Variants in REDIC1 observed in about 807,000 individuals in gnomAD.
REDIC1 encodes the protein regulator of DNA class I crossover intermediates 1.
the REDIC1 span, among the ~76,000 whole-genome samples, chr12:39,712,073 C>G: frequency 1.5e-4 from 7 of 46,946 alleles, no homozygotes; most frequent in African/African-American, 4.4e-4. Flanking sequence ...TGTATATATA[C>G]CGGTATGTAT....
chr12:39,635,194 G>A, the REDIC1 span, among the ~76,000 whole-genome samples: 1 of 152,176 alleles, frequency 6.6e-6, no homozygotes, highest in Admixed American at 6.6e-5. Context: ...CACTGTTGGT[G>A]GGAGTGTAAA....
At chr12:39,843,069 T>C in the REDIC1 span, among the ~76,000 whole-genome samples, 1 of 152,068 alleles carries the variant, frequency 6.6e-6, no homozygotes. Context: ...AAAAAACTGT[T>C]GCTATGAACA....
At chr12:39,898,374 G>C in the REDIC1 span, among the ~76,000 whole-genome samples, 1 of 152,076 alleles carries the variant, frequency 6.6e-6, no homozygotes, top group Non-Finnish European at 1.5e-5. Flanking sequence ...GAATGTTTAG[G>C]TTCTACAAAT....
the REDIC1 span, chr12:39,755,520 C>T: frequency 2.9e-4 from 44 of 152,036 alleles, no homozygotes; most frequent in African/African-American, 9.7e-4. Flanking sequence ...ACAGTTTGGA[C>T]GTGTAGAATA....
At chr12:39,703,198 C>A in the REDIC1 span, among the ~76,000 whole-genome samples, 1 of 151,944 alleles carries the variant, frequency 6.6e-6, no homozygotes, top group Admixed American at 6.6e-5. Context: ...TTGTCTCAGC[C>A]CAAAATCTCC....
At chr12:39,826,442 G>A in the REDIC1 span, among the ~76,000 whole-genome samples, 2 of 147,364 alleles carry the variant, frequency 1.4e-5, no homozygotes, top group African/African-American at 5.0e-5. Context: ...ATATTTAGAT[G>A]TAATTTTTCT....
the REDIC1 span, among the ~76,000 whole-genome samples, chr12:39,851,623 T>C: frequency 6.6e-6 from 1 of 152,200 alleles, no homozygotes; most frequent in Non-Finnish European, 1.5e-5. Context: ...CTACAGTAAC[T>C]GTGAAATATG....
the REDIC1 span, among the ~76,000 whole-genome samples, chr12:39,712,474 AT>A: frequency 7.1e-6 from 1 of 140,954 alleles, no homozygotes; most frequent in Non-Finnish European, 1.6e-5. Flanking sequence ...GTATGTATAT[AT>A]ACATACAGGT....
the REDIC1 span, among the ~76,000 whole-genome samples, chr12:39,681,506 A>T: frequency 1.3e-5 from 2 of 152,196 alleles, no homozygotes; most frequent in East Asian, 3.8e-4. Context: ...TAGTGTGCTT[A>T]ATATCTTATA....
the REDIC1 span, among the ~76,000 whole-genome samples, chr12:39,824,700 C>G: frequency 1.3e-5 from 2 of 152,112 alleles, no homozygotes; most frequent in Non-Finnish European, 2.9e-5. Context: ...GGACTTACAG[C>G]TATCATTCAT....
chr12:39,765,509 A>C, the REDIC1 span, among the ~76,000 whole-genome samples: 1 of 151,922 alleles, frequency 6.6e-6, no homozygotes, highest in Non-Finnish European at 1.5e-5. Context: ...ATATTACCAG[A>C]CTCAAAAACA....
the REDIC1 span, among the ~76,000 whole-genome samples, chr12:39,654,734 T>C: frequency 7.4e-6 from 1 of 135,118 alleles, no homozygotes; most frequent in Non-Finnish European, 1.6e-5. Context: ...TCGGCTTTGG[T>C]ATCAGGGTAA....
chr12:39,808,418 G>A, the REDIC1 span, among the ~76,000 whole-genome samples: 1 of 152,014 alleles, frequency 6.6e-6, no homozygotes, highest in Admixed American at 6.6e-5. Context: ...CGACTGTGTA[G>A]AAACATTTGT....
chr12:39,635,808 T>C, the REDIC1 span, among the ~76,000 whole-genome samples: 60 of 152,058 alleles, frequency 3.9e-4, no homozygotes, highest in Non-Finnish European at 7.7e-4. Flanking sequence ...GAAGTTTGTT[T>C]TAGGGATGTA....
chr12:39,901,318 A>C, the REDIC1 span, among the ~76,000 whole-genome samples: 1 of 152,168 alleles, frequency 6.6e-6, no homozygotes, highest in Non-Finnish European at 1.5e-5. Context: ...AAGTAATGGC[A>C]ACAAAAGCCA....
the REDIC1 span, among the ~76,000 whole-genome samples, chr12:39,859,332 T>TTTA: frequency 6.9e-5 from 5 of 72,322 alleles, 1 homozygote; most frequent in Admixed American, 1.9e-4. Flanking sequence ...TTTTTTTTTC[T>TTTA]GAAAAAAAAA....
the REDIC1 span, among the ~76,000 whole-genome samples, chr12:39,685,751 C>T: frequency 0.014 from 2,080 of 152,244 alleles, 45 homozygotes; most frequent in African/African-American, 0.046. Context: ...AAAGTTTCAC[C>T]TGATACAAGG....
At chr12:39,760,329 A>G in the REDIC1 span, 2 of 1,396,972 alleles carry the variant, frequency 1.4e-6, no homozygotes, top group Non-Finnish European at 1.9e-6. Flanking sequence ...CTTGATTTTG[A>G]CTTTTTTTTT....
At chr12:39,723,746 G>A in the REDIC1 span, among the ~76,000 whole-genome samples, 1 of 151,974 alleles carries the variant, frequency 6.6e-6, no homozygotes, top group Non-Finnish European at 1.5e-5. Flanking sequence ...ACAGTATTGG[G>A]CTGGAGTTGG....
Sources: gnomAD v4.1 joint callset for allele counts (sites outside exome capture counted in the v4.1 genomes callset) on GRCh38, gnomAD v4.1.1 for gene constraint, MANE v1.5 for transcripts, NCBI Gene and HGNC (gene_info 2026-07-23, HGNC 2026-07-21) for gene names.